Variants in MYOM1 observed in about 807,000 individuals in gnomAD.
The protein encoded by MYOM1 is myomesin 1, also known as myomesin-1.
In MYOM1, 164 loss-of-function variants were observed where a neutral mutation model predicts 205.3. That is an observed-to-expected ratio of 0.80 (90% CI 0.70 to 0.91). The LOEUF is 0.91. MYOM1 is among the 40% of genes least tolerant of loss of function. The pLI is 0.00. For missense variants in MYOM1, 2,011 were observed against 2,127.3 expected, an observed-to-expected ratio of 0.95 and a Z score of 1.08; for synonymous variants, 772 against 789.4, an observed-to-expected ratio of 0.98 and a Z score of 0.37.
At chr18:3,120,137 T>C (rs1329757526) in intron 19 of MYOM1, 142 bp from the exon 20 acceptor site, 25 of 1,171,084 alleles carry the variant, frequency 2.1e-5, no homozygotes, top group Non-Finnish European at 9.3e-6. Flanking sequence ...TTTTGTAATC[T>C]CCTGGGTGTG....
chr18:3,193,125 T>G (rs916370372), intron 3 of MYOM1, among the ~76,000 whole-genome samples: 3 of 151,716 alleles, frequency 2.0e-5, no homozygotes, highest in Admixed American at 6.6e-5. Flanking sequence ...TTTAAAAAAA[T>G]TAGCTGGGTG....
At chr18:3,084,103 C>G in intron 31 of MYOM1, 76 bp from the exon 32 acceptor site, 2 of 1,469,520 alleles carry the variant, frequency 1.4e-6, no homozygotes, top group Non-Finnish European at 1.9e-6. Flanking sequence ...ATTCTTAGCT[C>G]TCAAAAATTC....
intron 33 of MYOM1, among the ~76,000 whole-genome samples, chr18:3,082,369 C>G (rs2079094130): frequency 6.6e-6 from 1 of 152,178 alleles, no homozygotes; most frequent in Non-Finnish European, 1.5e-5. Context: ...AGCTGTGTGA[C>G]CTTAGGCCGG....
In MYOM1 at chr18:3,135,693, G is replaced by A. The variant is rs772170052; in HGVS notation, c.2063C>T (p.Thr688Met). The A allele has an allele frequency of 9.3e-6, 15 of 1,613,784 alleles. No individual in the cohort carries two copies. Among genetic ancestry groups the A allele is most frequent in the Admixed American group, 3.3e-5 (2 of 59,982 alleles). ...GCGGGGAGACTTCACAGGGAGCTCC[G>A]TGTTCACTCGCTGCCAGTTTTCTGT... ...AGTENWQRVN[T>M]ELPVKSPRFA... Residue 688 changes from threonine (T) to methionine (M), a missense_variant, in exon 15 of 38, where the codon ACG becomes ATG. Coordinates refer to ENST00000356443, the MANE Select transcript of MYOM1 (RefSeq NM_003803.4). This position sits in a 1 kb window ranked among gnomAD's most constrained non-coding sequence, Gnocchi z 4.1.
chr18:3,085,483 TTG>T (rs1191047833), intron 30 of MYOM1, among the ~76,000 whole-genome samples: 8 of 152,098 alleles, frequency 5.3e-5, no homozygotes, highest in Admixed American at 6.6e-5. Context: ...AGCATCTAAC[TTG>T]TGAGTGGTGA....
intron 13 of MYOM1, among the ~76,000 whole-genome samples, chr18:3,147,930 C>T (rs2080153597): frequency 1.3e-5 from 2 of 152,086 alleles, no homozygotes; most frequent in Non-Finnish European, 1.5e-5. Flanking sequence ...AGGAAAAATA[C>T]CTGGATTTGA....
intron 31 of MYOM1, among the ~76,000 whole-genome samples, chr18:3,084,599 C>T (rs1474062574): frequency 1.3e-5 from 2 of 152,324 alleles, no homozygotes; most frequent in East Asian, 1.9e-4. Flanking sequence ...TTTTCATCAT[C>T]ATGATATATT....
rs186504751 is a variant in MYOM1 at position 3,155,431 on chromosome 18, A to T, written c.1502-343T>A. 5.5e-4 allele frequency among the ~76,000 whole-genome samples: 83 copies of T among 152,276 alleles called. No individual in the cohort carries two copies. In the East Asian group the frequency reaches 0.011, roughly 20 times the overall value. ...GGTAGAGATGGGGTTTCACCGTGTT[A>T]GCCAGGATGGTCTTGATCTCCTGAC... On this transcript the variant is annotated intron_variant, in intron 10 of 37. Coordinates refer to ENST00000356443, the MANE Select transcript of MYOM1 (RefSeq NM_003803.4).
rs2079393885 is a variant in MYOM1 at position 3,102,534 on chromosome 18, G to T, written c.3515C>A (p.Ser1172Tyr). Residue 1172 changes from serine to tyrosine, a missense_variant, in exon 23 of 38, where the codon TCC becomes TAC. Ser to Tyr is a moderately radical substitution (Grantham distance 144, BLOSUM62 -2). Transcript: ENST00000356443. ...KMTPKSEFSW[S>Y]KDYVSTEDSP... ...GTCCTCAGTGGATACATAATCTTTG[G>T]ACCAGGAGAACTCGGACTTTGGAGT... 6.2e-7 allele frequency: 1 copy of T among 1,613,746 alleles called. No individual in the cohort carries two copies.
At chr18:3,126,595 G>GA in intron 19 of MYOM1, 106 bp downstream of exon 19, 4 of 981,582 alleles carry the variant, frequency 4.1e-6, no homozygotes, top group Non-Finnish European at 4.4e-6. Flanking sequence ...GGACTCTGGA[G>GA]AAATGACGTG....
intron 23 of MYOM1, 66 bp downstream of exon 23, chr18:3,102,408 T>C: frequency 6.9e-7 from 1 of 1,442,828 alleles, no homozygotes; most frequent in East Asian, 2.3e-5. Context: ...TAAGTGGAAA[T>C]CAGAGCTCAC....
intron 13 of MYOM1, among the ~76,000 whole-genome samples, 151 bp from the exon 14 acceptor site, chr18:3,142,214 TC>T (rs1394766256): frequency 6.6e-6 from 1 of 152,108 alleles, no homozygotes; most frequent in African/African-American, 2.4e-5. Context: ...CCCCAAAACA[TC>T]ATTCATTCAT....
At chr18:3,114,191 C>G (rs2079569477) in intron 21 of MYOM1, among the ~76,000 whole-genome samples, 1 of 152,162 alleles carries the variant, frequency 6.6e-6, no homozygotes, top group African/African-American at 2.4e-5. Context: ...CACCTGCCAC[C>G]TAGGTGATGA....
intron 5 of MYOM1, among the ~76,000 whole-genome samples, chr18:3,177,550 C>G (rs2080664709): frequency 6.6e-6 from 1 of 151,750 alleles, no homozygotes; most frequent in Non-Finnish European, 1.5e-5. Context: ...TGGCTCACTG[C>G]AAACTCCACC....
intron 6 of MYOM1, among the ~76,000 whole-genome samples, chr18:3,175,793 A>G (rs1018409794): frequency 6.6e-6 from 1 of 152,224 alleles, no homozygotes; most frequent in Non-Finnish European, 1.5e-5. Context: ...AAACATGCAA[A>G]TTGGTTTTTT....
At chr18:3,119,792 T>C in intron 20 of MYOM1, 77 bp downstream of exon 20, 1 of 1,528,138 alleles carries the variant, frequency 6.5e-7, no homozygotes, top group Non-Finnish European at 8.8e-7. Context: ...TATAGTACTT[T>C]GAATTTCATT....
In MYOM1 at chr18:3,197,724, T is replaced by C. The variant is rs28379885; in HGVS notation, c.291-3766A>G. Among the ~76,000 whole-genome samples, 893 of 150,370 alleles carry C rather than the reference T, an allele frequency of 5.9e-3. 17 individuals carry two copies. Among genetic ancestry groups the C allele is most frequent in the African/African-American group, 0.021 (852 of 40,008 alleles). On this transcript the variant is annotated intron_variant, in intron 2 of 37. Transcript: ENST00000356443. ...CCGTCTTTACTAAAAATACAAAAAA[T>C]TAGCTGGGCATGGTGGCAGGCGCCT...
chr18:3,127,101 G>C (rs980803509), intron 18 of MYOM1, among the ~76,000 whole-genome samples: 2 of 151,754 alleles, frequency 1.3e-5, no homozygotes, highest in African/African-American at 4.8e-5. Flanking sequence ...AAGATAAAAT[G>C]AACCTGTCCT....
intron 6 of MYOM1, 129 bp downstream of exon 6, chr18:3,175,913 C>A (rs17177472): frequency 1.7e-6 from 1 of 602,950 alleles, no homozygotes; most frequent in Non-Finnish European, 3.0e-6. Context: ...AGAGAAGCAC[C>A]GTATACGAAT....
Sources: gnomAD v4.1 joint callset for allele counts (sites outside exome capture counted in the v4.1 genomes callset) on GRCh38, gnomAD v4.1.1 for gene constraint, Gnocchi (gnomAD v3.1) non-coding constraint, MANE v1.5 for transcripts, NCBI Gene and HGNC (gene_info 2026-07-23, HGNC 2026-07-21) for gene names.